The following ZFYVE26 variants were observed in gnomAD, a reference collection of about 807,000 sequenced individuals.
The protein encoded by ZFYVE26 is zinc finger FYVE-type containing 26.
ZFYVE26 carries 181 observed loss-of-function variants against 276.5 expected under a neutral mutation model. That is an observed-to-expected ratio of 0.65 (90% CI 0.58 to 0.74). The LOEUF is 0.74. Ranked by LOEUF, ZFYVE26 falls within the 30% of genes least tolerant of loss-of-function variation. The probability of loss-of-function intolerance (pLI) is 0.00; values close to 1 mark genes in which losing one functional copy is unlikely to be tolerated. For synonymous variants in ZFYVE26, 1,129 were observed against 1,203.1 expected, an observed-to-expected ratio of 0.94 and a Z score of 1.27; for missense variants, 2,821 against 3,097.9, an observed-to-expected ratio of 0.91 and a Z score of 2.12.
chr14:67,807,256 G>A lies in ZFYVE26; in HGVS notation c.886+142C>T, dbSNP rs975794328. 8.0e-5 allele frequency: 87 copies of A among 1,094,246 alleles called. No individual in the cohort carries two copies. The African/African-American group carries it at 1.2e-3, about 15-fold the overall frequency. The allele number at this position is 1,094,246 out of a possible 1,614,324, so 67.8% of individuals were successfully genotyped here. On this transcript the variant is annotated intron_variant, in intron 5 of 41. Coordinates refer to ENST00000347230, the MANE Select transcript of ZFYVE26 (RefSeq NM_015346.4). ...CACCATGCCAGGCCTGTACTTTTAC[G>A]AAAGAGCATCGCACCCATTTTTGCT... is the stretch of plus-strand genomic sequence containing the variant.
At chr14:67,789,312 T>TA (rs1336943605) in intron 16 of ZFYVE26, 23 bp downstream of exon 16, 2 of 1,613,666 alleles carry the variant, frequency 1.2e-6, no homozygotes, top group Non-Finnish European at 1.7e-6. Flanking sequence ...AATGAAGGGA[T>TA]ACAGCTAACA....
At chr14:67,804,789 T>C (rs1263580263) in intron 8 of ZFYVE26, among the ~76,000 whole-genome samples, 2 of 152,212 alleles carry the variant, frequency 1.3e-5, no homozygotes, top group African/African-American at 4.8e-5. Flanking sequence ...AGAATGTGGA[T>C]GACATTGTGA....
intron 40 of ZFYVE26, chr14:67,751,462 T>C: frequency 5.9e-6 from 2 of 341,550 alleles, no homozygotes; most frequent in Non-Finnish European, 1.1e-5. Flanking sequence ...TACACTATAG[T>C]CCAAAACTCC....
intron 35 of ZFYVE26, among the ~76,000 whole-genome samples, chr14:67,759,244 GAAAAAAAAAA>G (rs1171265652): frequency 0.011 from 890 of 81,644 alleles, 18 homozygotes; most frequent in African/African-American, 0.042. Flanking sequence ...GACTCTGTCT[GAAAAAAAAAA>G]AAAAAAAAAA....
At chr14:67,739,935 T>C (rs961824996) in intron 13 of ZFYVE26, among the ~76,000 whole-genome samples, 3 of 152,190 alleles carry the variant, frequency 2.0e-5, no homozygotes, top group African/African-American at 4.8e-5. Flanking sequence ...TGGTACAATA[T>C]AATAAAAGTT....
rs543203899 is a variant in ZFYVE26, at chr14:67,807,246, G to A, written c.886+152C>T. 141 of 987,584 alleles carry A rather than the reference G, an allele frequency of 1.4e-4. No homozygotes were observed. In the African/African-American group the frequency reaches 2.1e-3, roughly 15 times the overall value. The allele number at this position is 987,584 out of a possible 1,614,324, so 61.2% of individuals were successfully genotyped here. Reference sequence around the variant, plus strand: ...AGGCCTGAGCCACCATGCCAGGCCTGTACTTTTACGAAAGAGCATCGCACC... The same window carrying A: ...AGGCCTGAGCCACCATGCCAGGCCTATACTTTTACGAAAGAGCATCGCACC... On this transcript the variant is annotated intron_variant, in intron 5 of 41. Coordinates refer to ENST00000347230, the MANE Select transcript of ZFYVE26 (RefSeq NM_015346.4).
intron 33 of ZFYVE26, 103 bp downstream of exon 33, chr14:67,762,569 T>C (rs1461773797): frequency 1.1e-5 from 18 of 1,587,572 alleles, no homozygotes; most frequent in Non-Finnish European, 1.5e-5. Context: ...TTCTACCCCA[T>C]GGGCAGGACA....
Position 67,798,633 on chromosome 14 carries a change from A to T in ZFYVE26, c.1640-11T>A. On this transcript the variant is annotated splice_polypyrimidine_tract_variant and intron_variant, in intron 10 of 41. Transcript: ENST00000347230. ...AGAGATTTGCAGCACCTACAAAAAC[A>T]TGTACAAGAGAAGAGGCCAGAGAAA... 6.2e-7 allele frequency: 1 copy of T among 1,613,714 alleles called. No homozygotes were observed.
Position 67,778,248 on chromosome 14 carries a change from C to T in ZFYVE26, c.4675G>A (p.Glu1559Lys). 6.2e-7 allele frequency: 1 copy of T among 1,614,124 alleles called. No individual in the cohort carries two copies. The highest frequency in any genetic ancestry group is 8.5e-7 in the Non-Finnish European group (1 of 1,180,004). Reference sequence around the variant, plus strand: ...CCCCACTCTTCACACAGTTCATACTCCTGGAAGGAAACACACATGCCTTCA... The same window carrying T: ...CCCCACTCTTCACACAGTTCATACTTCTGGAAGGAAACACACATGCCTTCA... ...TVMNMILEAQ[E>K]YELCEEWGCL... The change falls in exon 24 of 42, where the codon GAG (glutamate) becomes AAG (lysine). Residue 1559 changes from glutamate to lysine, a missense_variant and splice_region_variant. Coordinates refer to ENST00000347230, the MANE Select transcript of ZFYVE26 (RefSeq NM_015346.4).
chr14:67,782,386 G>C (rs112272536), intron 21 of ZFYVE26, among the ~76,000 whole-genome samples: 1 of 152,330 alleles, frequency 6.6e-6, no homozygotes, highest in African/African-American at 2.4e-5. Flanking sequence ...GTAGTTACGA[G>C]CGAGACTGTG....
intron 3 of ZFYVE26, among the ~76,000 whole-genome samples, chr14:67,812,389 C>A (rs1594942287): frequency 6.6e-6 from 1 of 152,220 alleles, no homozygotes; most frequent in African/African-American, 2.4e-5. Flanking sequence ...AAAATAGAAT[C>A]ACTATTTCAT....
chr14:67,791,254 T>A (rs1395252283), intron 14 of ZFYVE26, among the ~76,000 whole-genome samples: 1 of 152,190 alleles, frequency 6.6e-6, no homozygotes, highest in African/African-American at 2.4e-5. Context: ...CTTAAAAAAA[T>A]AATTCAAAAG....
intron 5 of ZFYVE26, among the ~76,000 whole-genome samples, chr14:67,807,156 C>T (rs961491163): frequency 6.6e-6 from 1 of 152,116 alleles, no homozygotes; most frequent in Non-Finnish European, 1.5e-5. Context: ...GTTGCAGAGG[C>T]TTATCTTGAA....
intron 28 of ZFYVE26, among the ~76,000 whole-genome samples, chr14:67,770,632 T>C (rs2039185438): frequency 6.6e-6 from 1 of 152,196 alleles, no homozygotes; most frequent in Non-Finnish European, 1.5e-5. Flanking sequence ...ATAGTAATAA[T>C]ATTACCAAGC....
At chr14:67,733,272 C>T (rs1373917159) in intron 13 of ZFYVE26, among the ~76,000 whole-genome samples, 2 of 152,098 alleles carry the variant, frequency 1.3e-5, no homozygotes, top group Admixed American at 6.6e-5. Context: ...TGCATCTGTC[C>T]CCAGAATTCA....
Position 67,789,354 on chromosome 14 carries a change from A to G in ZFYVE26, c.3000T>C (p.Asn1000=), listed in dbSNP as rs2140232254. 6 of 1,614,202 alleles carry G rather than the reference A, an allele frequency of 3.7e-6. No homozygotes were observed. The highest frequency in any genetic ancestry group is 1.1e-5 in the South Asian group (1 of 91,088). ...QLLETAERRL[N]SSLERRGRRI... ...ACTCACCCCGCCTTTCAAGGCTACT[A>G]TTCAAACGCCGTTCGGCTGTCTCCA... is the stretch of plus-strand genomic sequence containing the variant. The change falls in exon 16 of 42, where the codon AAT becomes AAC. Residue 1000 remains asparagine (N), a synonymous_variant. Coordinates refer to ENST00000347230, the MANE Select transcript of ZFYVE26 (RefSeq NM_015346.4).
chr14:67,792,614 T>C (rs1177421722), intron 14 of ZFYVE26, among the ~76,000 whole-genome samples: 1 of 152,184 alleles, frequency 6.6e-6, no homozygotes, highest in Non-Finnish European at 1.5e-5. Flanking sequence ...TGAACTGGCA[T>C]TCTATTTATA....
At chr14:67,774,506 AAAC>A (rs1034731427) in intron 27 of ZFYVE26, among the ~76,000 whole-genome samples, 1 of 151,754 alleles carries the variant, frequency 6.6e-6, no homozygotes, top group Non-Finnish European at 1.5e-5. Flanking sequence ...CTCAAAAAAA[AAAC>A]AGTGACCAGA....
chr14:67,752,916 C>A (rs2038686864), intron 39 of ZFYVE26, among the ~76,000 whole-genome samples: 1 of 152,096 alleles, frequency 6.6e-6, no homozygotes, highest in South Asian at 2.1e-4. Context: ...AGAAACAGAC[C>A]CATTCACTGA....
Sources: allele counts gnomAD v4.1 joint callset (sites outside exome capture counted in the v4.1 genomes callset), GRCh38; gene constraint gnomAD v4.1.1; transcripts MANE v1.5; gene names NCBI Gene and HGNC (gene_info 2026-07-23, HGNC 2026-07-21).